COL4A5: variants seen among roughly 807,000 people sequenced by gnomAD.
COL4A5 encodes collagen alpha-5(IV) chain.
A neutral mutation model predicts 130.2 loss-of-function variants in COL4A5; 26 were observed. That is an observed-to-expected ratio of 0.20 (90% CI 0.15 to 0.28). The LOEUF is 0.28. COL4A5 is among the 10% of genes least tolerant of loss of function. COL4A5 has a pLI of 1.00. For synonymous variants in COL4A5, 496 were observed against 439.6 expected, an observed-to-expected ratio of 1.13 and a Z score of -1.60; for missense variants, 1,131 against 1,344.3, an observed-to-expected ratio of 0.84 and a Z score of 2.48.
intron 30 of COL4A5, among the ~76,000 whole-genome samples, chrX:108,618,231 A>G (rs2066970089): frequency 9.0e-6 from 1 of 110,731 alleles, no homozygotes; most frequent in South Asian, 3.8e-4. Flanking sequence ...TATTCCTGAC[A>G]GTATTCATGG....
chrX:108,516,649 A>G (rs189023223), intron 1 of COL4A5, among the ~76,000 whole-genome samples: 2 of 112,124 alleles, frequency 1.8e-5, no homozygotes, highest in East Asian at 2.8e-4. Context: ...CAGTAAGGCT[A>G]TATCTGTTGA....
At chrX:108,528,805 T>C (rs2065351528) in intron 1 of COL4A5, among the ~76,000 whole-genome samples, 1 of 112,545 alleles carries the variant, frequency 8.9e-6, no homozygotes, top group Non-Finnish European at 1.9e-5. Context: ...CGAAGCTTTG[T>C]GTCATTTGGG....
chrX:108,450,840 T>G (rs1569471258), intron 1 of COL4A5, among the ~76,000 whole-genome samples: 1 of 110,642 alleles, frequency 9.0e-6, no homozygotes, highest in East Asian at 2.8e-4. Context: ...TTTATTTTTA[T>G]TTTTTATTTT....
chrX:108,695,045 A>G (rs1355304954), intron 51 of COL4A5, 124 bp downstream of exon 51: 1 of 674,140 alleles, frequency 1.5e-6, no homozygotes, highest in Admixed American at 2.5e-5. Flanking sequence ...AACAGCTTCT[A>G]TCCAAGCACT....
chrX:108,531,137 C>G (rs1406211083), intron 1 of COL4A5, among the ~76,000 whole-genome samples: 1 of 97,458 alleles, frequency 1.0e-5, no homozygotes, highest in Non-Finnish European at 2.0e-5. Context: ...CATGTTCTCA[C>G]TCATAGGTGG....
intron 2 of COL4A5, among the ~76,000 whole-genome samples, chrX:108,555,133 A>G (rs943095236): frequency 8.9e-6 from 1 of 111,995 alleles, no homozygotes; most frequent in African/African-American, 3.2e-5. Flanking sequence ...TTAACTAAAC[A>G]AAGTGTGCCT....
At chrX:108,693,787 A>T (rs1216440783) in intron 50 of COL4A5, 5 of 111,194 alleles carry the variant, frequency 4.5e-5, no homozygotes, top group African/African-American at 1.6e-4. Flanking sequence ...AACTAAGAGG[A>T]GGGTGATACC....
chrX:108,446,050 GCA>G (rs1436858971), intron 1 of COL4A5, among the ~76,000 whole-genome samples: 7 of 111,204 alleles, frequency 6.3e-5, no homozygotes, highest in Non-Finnish European at 1.1e-4. Flanking sequence ...GAAACTCTAA[GCA>G]CAATTCATGT....
At chrX:108,457,766 C>T (rs188095110) in intron 1 of COL4A5, among the ~76,000 whole-genome samples, 1 of 111,782 alleles carries the variant, frequency 8.9e-6, no homozygotes, top group Non-Finnish European at 1.9e-5. Flanking sequence ...GGCAATCACT[C>T]ATCTATTTTC....
In COL4A5 at chrX:108,473,633, A is replaced by ATATATATATATATATT; in HGVS notation, c.81+33428_81+33429insATATATATATATATTT. ...TATATGTATATATATATATATATAT[A>ATATATATATATATATT]TTTTTTTTTTTTTGAGATGAAGTCT... On this transcript the variant is annotated intron_variant, in intron 1 of 52. Transcript: ENST00000328300. 2.2e-3 allele frequency among the ~76,000 whole-genome samples: 75 copies of ATATATATATATATATT among 34,538 alleles called. 3 individuals carry two copies. Among genetic ancestry groups the ATATATATATATATATT allele is most frequent in the Middle Eastern group, 0.029 (1 of 35 alleles). The allele number at this position is 34,538 out of a possible 115,157, so 30.0% of individuals were successfully genotyped here. A position where few individuals can be genotyped will look rare whatever the true frequency, so the allele number is the denominator to read the frequency against.
At chrX:108,574,471 C>G (rs2066113296) in intron 9 of COL4A5, among the ~76,000 whole-genome samples, 1 of 111,468 alleles carries the variant, frequency 9.0e-6, no homozygotes, top group Non-Finnish European at 1.9e-5. Context: ...TAGAAAATTA[C>G]AAATAATTTT....
intron 1 of COL4A5, among the ~76,000 whole-genome samples, chrX:108,509,001 G>A (rs1278832828): frequency 8.9e-6 from 1 of 112,083 alleles, no homozygotes; most frequent in Non-Finnish European, 1.9e-5. Flanking sequence ...ATGGGCATGG[G>A]CAAAGATTTC....
At chrX:108,684,076 GAC>G (rs1451755123) in intron 47 of COL4A5, among the ~76,000 whole-genome samples, 1 of 111,535 alleles carries the variant, frequency 9.0e-6, no homozygotes, top group East Asian at 2.8e-4. Context: ...TGAGAACAAA[GAC>G]ACAATGTACC....
intron 37 of COL4A5, among the ~76,000 whole-genome samples, chrX:108,656,388 C>T (rs1215872459): frequency 8.9e-6 from 1 of 112,133 alleles, no homozygotes; most frequent in Non-Finnish European, 1.9e-5. Flanking sequence ...GTACCACAGT[C>T]AATTACACAT....
chrX:108,606,769 C>T lies in COL4A5; in HGVS notation c.2272C>T (p.Pro758Ser), dbSNP rs1569495760. 1.7e-6 allele frequency: 2 copies of T among 1,210,753 alleles called. No individual in the cohort carries two copies. The highest frequency in any genetic ancestry group is 2.2e-5 in the Admixed American group (1 of 45,991). The change falls in exon 29 of 53, where the codon CCA becomes TCA. Residue 758 changes from proline to serine, a missense_variant. Pro to Ser is a moderately conservative substitution (Grantham distance 74). Transcript: ENST00000328300. Reference protein sequence around the residue: ...KGEPGFALPGPPGPPGLPGFK... With the variant: ...KGEPGFALPGSPGPPGLPGFK... ...TGAACCAGGATTTGCATTACCTGGG[C>T]CACCTGGGCCACCAGGACTTCCAGG...
chrX:108,529,132 C>T (rs931979457), intron 1 of COL4A5, among the ~76,000 whole-genome samples: 10 of 111,687 alleles, frequency 9.0e-5, no homozygotes, highest in African/African-American at 2.9e-4. Context: ...CAGAACCTTA[C>T]AGGCCAGAAG....
In COL4A5 at chrX:108,510,711, C is replaced by T. The variant is rs1452583398; in HGVS notation, c.82-29035C>T. 2.7e-5 allele frequency among the ~76,000 whole-genome samples: 3 copies of T among 111,453 alleles called. No homozygotes were observed. The South Asian group carries it at 1.1e-3, about 42-fold the overall frequency. On this transcript the variant is annotated intron_variant, in intron 1 of 52. Coordinates refer to ENST00000328300, the MANE Select transcript of COL4A5 (RefSeq NM_033380.3). ...TTTGGTGGCTATTGGTAGTTTTCCT[C>T]ATTCTCATATTTTGCCTTTGTGATA... is the stretch of plus-strand genomic sequence containing the variant.
At chrX:108,543,263 CTG>C (rs2147669592) in intron 2 of COL4A5, among the ~76,000 whole-genome samples, 2 of 111,812 alleles carry the variant, frequency 1.8e-5, no homozygotes, top group Admixed American at 1.9e-4. Context: ...AGTCTTTCAT[CTG>C]CCTTGAATAA....
intron 1 of COL4A5, among the ~76,000 whole-genome samples, chrX:108,443,600 T>G (rs1474990237): frequency 8.9e-6 from 1 of 112,055 alleles, no homozygotes; most frequent in Non-Finnish European, 1.9e-5. Flanking sequence ...TGCATATATC[T>G]ATATATGTAT....
Sources: allele counts gnomAD v4.1 joint callset (sites outside exome capture counted in the v4.1 genomes callset), GRCh38; gene constraint gnomAD v4.1.1; transcripts MANE v1.5; gene names NCBI Gene and HGNC (gene_info 2026-07-23, HGNC 2026-07-21).